RNF144A: variants seen among roughly 807,000 people sequenced by gnomAD.
RNF144A encodes the protein ring finger protein 144A.
In RNF144A, 11 loss-of-function variants were observed where a neutral mutation model predicts 38.7. That is an observed-to-expected ratio of 0.28 (90% confidence interval 0.18 to 0.47). The LOEUF (loss-of-function observed/expected upper bound fraction) is 0.47, where lower values mean the gene tolerates loss of function less well. RNF144A is among the 20% of genes least tolerant of loss of function. The pLI is 0.99. For missense variants in RNF144A, 316 were observed against 377.2 expected (o/e 0.84, Z 1.34); for synonymous variants, 149 against 143.9 (o/e 1.04, Z -0.25).
At chr2:7,037,926 T>A (rs903240845) in intron 8 of RNF144A, among the ~76,000 whole-genome samples, 2 of 152,198 alleles carry the variant, frequency 1.3e-5, no homozygotes, top group African/African-American at 2.4e-5. Flanking sequence ...TAGGTGGCGG[T>A]CTAGCCCTGT....
intron 6 of RNF144A, among the ~76,000 whole-genome samples, chr2:7,050,935 C>T (rs536396345): frequency 3.3e-5 from 5 of 152,332 alleles, no homozygotes; most frequent in South Asian, 2.1e-4. Context: ...CAGAATGCCT[C>T]GGGTGCAGTC....
At chr2:7,066,102 T>G (rs1674204022) in intron 6 of RNF144A, among the ~76,000 whole-genome samples, 1 of 152,182 alleles carries the variant, frequency 6.6e-6, no homozygotes, top group Non-Finnish European at 1.5e-5. Flanking sequence ...CTTTTTTTCT[T>G]TTTGAGACGG....
At chr2:7,022,491 C>T (rs1671598614) in intron 6 of RNF144A, among the ~76,000 whole-genome samples, 1 of 152,206 alleles carries the variant, frequency 6.6e-6, no homozygotes, top group South Asian at 2.1e-4. Flanking sequence ...AAATTTTATG[C>T]ATAGCACAGT....
intron 7 of RNF144A, among the ~76,000 whole-genome samples, chr2:7,026,820 A>G (rs434607): frequency 0.27 from 40,716 of 151,988 alleles, 6,548 homozygotes; most frequent in Admixed American, 0.35. Flanking sequence ...GCTCCACCCT[A>G]AAGCAGGTTC....
At chr2:7,013,473 G>A (rs1670944395) in intron 3 of RNF144A, among the ~76,000 whole-genome samples, 1 of 152,244 alleles carries the variant, frequency 6.6e-6, no homozygotes, top group East Asian at 1.9e-4. Context: ...TTTAATAATG[G>A]TATTGTAATA....
chr2:6,922,647 T>C (rs906047758), intron 1 of RNF144A, among the ~76,000 whole-genome samples: 1 of 149,510 alleles, frequency 6.7e-6, no homozygotes, highest in Non-Finnish European at 1.5e-5. Context: ...TTTTTTGAGA[T>C]GGAGTCTCAC....
intron 1 of RNF144A, among the ~76,000 whole-genome samples, chr2:6,925,362 G>A (rs1664790519): frequency 6.6e-6 from 1 of 152,108 alleles, no homozygotes; most frequent in East Asian, 1.9e-4. Flanking sequence ...TGGTGGATAG[G>A]GCCAGGTGTA....
At chr2:6,926,626 C>T (rs961011470) in intron 1 of RNF144A, among the ~76,000 whole-genome samples, 1 of 152,216 alleles carries the variant, frequency 6.6e-6, no homozygotes, top group African/African-American at 2.4e-5. Flanking sequence ...AATCCCAGTC[C>T]TGTCCTGGTT....
At chr2:7,011,730 A>T (rs553544300) in intron 3 of RNF144A, among the ~76,000 whole-genome samples, 2 of 152,316 alleles carry the variant, frequency 1.3e-5, no homozygotes, top group African/African-American at 4.8e-5. Flanking sequence ...TTTTGTGCTC[A>T]TTTCAAGACA....
At chr2:7,061,484 T>A (rs948112714) in intron 6 of RNF144A, among the ~76,000 whole-genome samples, 1 of 152,252 alleles carries the variant, frequency 6.6e-6, no homozygotes, top group Non-Finnish European at 1.5e-5. Context: ...TGATGATGTT[T>A]TTTTTAATTC....
At chr2:7,069,559 C>T (rs1037106122), downstream of RNF144A, among the ~76,000 whole-genome samples, 5 of 152,328 alleles carry the variant, frequency 3.3e-5, no homozygotes, top group South Asian at 2.1e-4. Flanking sequence ...TCCCATCTTT[C>T]CCACTCCTTC....
chr2:6,994,623 G>A (rs930801488), intron 2 of RNF144A, among the ~76,000 whole-genome samples: 23 of 152,200 alleles, frequency 1.5e-4, no homozygotes, highest in African/African-American at 5.3e-4. Context: ...GCCGTGTGAC[G>A]CCTCCAATTA....
At position 6,968,052 on chromosome 2, in the gene RNF144A, G is replaced by A. The variant is rs542370903; in HGVS notation, c.-12+26905G>A. On this transcript the variant is annotated intron_variant, in intron 2 of 8. Transcript: ENST00000320892. ...AGGGGAAGTGGTGTCCTCTTCAAAGGATTCTTAATTCTATGGGATTTGGCG... is the reference window on the plus strand; with the variant it reads ...AGGGGAAGTGGTGTCCTCTTCAAAGAATTCTTAATTCTATGGGATTTGGCG... 2.6e-5 allele frequency among the ~76,000 whole-genome samples: 4 copies of A among 152,258 alleles called. No homozygotes were observed. In the East Asian group the frequency reaches 5.8e-4, roughly 22 times the overall value.
chr2:7,031,749 C>A (rs964086323), intron 8 of RNF144A, among the ~76,000 whole-genome samples: 1 of 152,268 alleles, frequency 6.6e-6, no homozygotes, highest in African/African-American at 2.4e-5. Flanking sequence ...GACCACGTGG[C>A]AGAGCCTGTG....
chr2:6,981,656 T>G (rs909142990), intron 2 of RNF144A, among the ~76,000 whole-genome samples: 1 of 152,198 alleles, frequency 6.6e-6, no homozygotes, highest in Non-Finnish European at 1.5e-5. Context: ...TCAAAACCAT[T>G]CAACAAGTCT....
At chr2:6,959,492 T>C (rs766055055) in intron 2 of RNF144A, among the ~76,000 whole-genome samples, 1 of 152,140 alleles carries the variant, frequency 6.6e-6, no homozygotes, top group African/African-American at 2.4e-5. Context: ...CTGGGTGATA[T>C]AAAGAAAAGA....
chr2:7,013,330 G>T (rs1670933996), intron 3 of RNF144A, among the ~76,000 whole-genome samples: 1 of 152,174 alleles, frequency 6.6e-6, no homozygotes, highest in South Asian at 2.1e-4. Context: ...AATTGCAGTT[G>T]AATTTCCATT....
chr2:7,009,769 T>G (rs1670675087), intron 3 of RNF144A, among the ~76,000 whole-genome samples: 1 of 152,130 alleles, frequency 6.6e-6, no homozygotes, highest in South Asian at 2.1e-4. Flanking sequence ...CCAGCCTCCT[T>G]AACCACAGCC....
rs1674059546 is a variant in RNF144A at position 7,063,481 on chromosome 2, A to C, written c.735-4735A>C. ...AATGTCCAAAGATCAGGTAAATATA[A>C]GAGAACAAAGCTTAGGAAAGTAATT... On this transcript the variant is annotated intron_variant, in intron 6 of 6. Coordinates refer to the RNF144A transcript ENST00000432850. Among the ~76,000 whole-genome samples the C allele has an allele frequency of 2.0e-5, 3 of 150,962 alleles. No homozygotes were observed. In the South Asian group the frequency reaches 6.3e-4, roughly 32 times the overall value.
Sources: allele counts gnomAD v4.1 joint callset (sites outside exome capture counted in the v4.1 genomes callset), GRCh38; gene constraint gnomAD v4.1.1; transcripts MANE v1.5; gene names NCBI Gene and HGNC (gene_info 2026-07-23, HGNC 2026-07-21).